Variants in F11 observed in about 807,000 individuals in gnomAD.
The protein encoded by F11 is coagulation factor XI, also known as coagualtion factor XI.
F11 carries 78 observed loss-of-function variants against 76.5 expected under a neutral mutation model. The ratio of observed to expected loss-of-function variants is 1.02; its 90% CI spans 0.85 to 1.23. The LOEUF is 1.23. Among genes scored for constraint, F11 ranks in the 50% most tolerant of loss-of-function variants. F11 has a pLI of 0.00. For missense variants in F11, 742 were observed against 771.4 expected, an observed-to-expected ratio of 0.96 and a Z score of 0.45; for synonymous variants, 278 against 276.3, an observed-to-expected ratio of 1.01 and a Z score of -0.06.
chr4:186,279,619 G>A, intron 7 of F11, among the ~76,000 whole-genome samples: 1 of 152,106 alleles, frequency 6.6e-6, no homozygotes, highest in Non-Finnish European at 1.5e-5. Flanking sequence ...TGGAGTAAAC[G>A]ACGGACTTCA....
At position 186,274,277 on chromosome 4, in the gene F11, T is replaced by C. The variant is rs1464239583; in HGVS notation, c.485+2T>C. ...GCAGTTTCCCAGCCTGGAGCATCGG[T>C]GAGTGAGTCCCAGGACATTCGAGTG... On this transcript the variant is annotated splice_donor_variant, in intron 5 of 14. Coordinates refer to ENST00000403665, the MANE Select transcript of F11 (RefSeq NM_000128.4). LOFTEE classifies it high-confidence loss of function. The C allele has an allele frequency of 9.9e-6, 16 of 1,614,204 alleles. No individual in the cohort carries two copies. Among genetic ancestry groups the C allele is most frequent in the Non-Finnish European group, 1.2e-5 (14 of 1,180,024 alleles).
At chr4:186,268,256 T>C (rs1739654280) in intron 2 of F11, among the ~76,000 whole-genome samples, 2 of 152,226 alleles carry the variant, frequency 1.3e-5, no homozygotes, top group South Asian at 4.1e-4. Context: ...GTATTATAAG[T>C]AATCTAGAGA....
chr4:186,281,801 A>G, intron 10 of F11: 2 of 1,000,800 alleles, frequency 2.0e-6, no homozygotes, highest in South Asian at 4.4e-5. Flanking sequence ...GCACAAAAAC[A>G]TTCTGTGTCA....
chr4:186,286,270 A>C, intron 12 of F11, 145 bp from the exon 13 acceptor site: 1 of 784,056 alleles, frequency 1.3e-6, no homozygotes, highest in East Asian at 2.6e-5. Context: ...GCTGAACCTG[A>C]GGGAGGAAAA....
intron 5 of F11, 63 bp downstream of exon 5, chr4:186,274,338 C>G: frequency 6.2e-7 from 1 of 1,604,530 alleles, no homozygotes; most frequent in East Asian, 2.2e-5. Flanking sequence ...TACTAAAAAG[C>G]TTTTGCCATC....
intron 14 of F11, among the ~76,000 whole-genome samples, chr4:186,288,202 G>A (rs1473357108): frequency 1.3e-5 from 2 of 152,016 alleles, no homozygotes; most frequent in Admixed American, 6.6e-5. Flanking sequence ...GTGAGCCACC[G>A]CGCCGGGCCG....
At chr4:186,267,041 CCT>C (rs1437765416) in intron 1 of F11, 93 bp from the exon 2 acceptor site, 2 of 803,400 alleles carry the variant, frequency 2.5e-6, no homozygotes, top group Non-Finnish European at 2.2e-6. Flanking sequence ...TAACTACTCC[CCT>C]CTCTCCCTAT....
At chr4:186,285,497 A>G (rs1196025597) in intron 11 of F11, 141 bp from the exon 12 acceptor site, 2 of 833,554 alleles carry the variant, frequency 2.4e-6, no homozygotes, top group African/African-American at 3.5e-5. Context: ...GAAAAATCTT[A>G]GGATAAAATC....
intron 14 of F11, 72 bp downstream of exon 14, chr4:186,287,895 G>C: frequency 6.5e-7 from 1 of 1,547,688 alleles, no homozygotes; most frequent in Non-Finnish European, 8.8e-7. Flanking sequence ...TTTTTTGTTT[G>C]TTTTGTTTTT....
rs190030223 is a variant in F11 at position 186,273,997 on chromosome 4, G to A, written c.326-119G>A. On this transcript the variant is annotated intron_variant, in intron 4 of 14. Coordinates refer to ENST00000403665, the MANE Select transcript of F11 (RefSeq NM_000128.4). ...TAAGAATTTTGCAGATTAATATAAC[G>A]AAAGACCTCTGAGGAAAGGTGGGTG... The A allele has an allele frequency of 1.0e-3, 1,156 of 1,124,520 alleles. 9 individuals carry two copies. The African/African-American group carries it at 0.016, about 15-fold the overall frequency. The allele number at this position is 1,124,520 out of a possible 1,614,324, so 69.7% of individuals were successfully genotyped here.
chr4:186,283,744 G>A (rs1218260051), intron 10 of F11, among the ~76,000 whole-genome samples: 1 of 152,232 alleles, frequency 6.6e-6, no homozygotes, highest in Non-Finnish European at 1.5e-5. Flanking sequence ...TGAAGAATGT[G>A]CATTTCTAAC....
chr4:186,283,597 C>A (rs1200839392), intron 10 of F11, among the ~76,000 whole-genome samples: 1 of 152,198 alleles, frequency 6.6e-6, no homozygotes, highest in Non-Finnish European at 1.5e-5. Context: ...AGGAACTGGA[C>A]AATGGCTGCA....
downstream of F11, among the ~76,000 whole-genome samples, chr4:186,290,248 A>G (rs1244908889): frequency 6.6e-6 from 1 of 152,218 alleles, no homozygotes; most frequent in Non-Finnish European, 1.5e-5. Flanking sequence ...AGGCAAAACA[A>G]AAACAACAAC....
intron 10 of F11, chr4:186,282,757 T>TGA: frequency 1.0e-6 from 1 of 985,388 alleles, no homozygotes; most frequent in Non-Finnish European, 1.2e-6. Flanking sequence ...GGCTCTAAAA[T>TGA]GAGAGCCTCT....
chr4:186,280,421 C>A (rs1405891193), intron 9 of F11, 36 bp downstream of exon 9: 3 of 1,613,866 alleles, frequency 1.9e-6, no homozygotes, highest in African/African-American at 2.7e-5. Context: ...ACACCCTTGT[C>A]CCGTCTGCCT....
At chr4:186,282,483 T>C in intron 10 of F11, 1 of 985,290 alleles carries the variant, frequency 1.0e-6, no homozygotes, top group Non-Finnish European at 1.2e-6. Flanking sequence ...GTAACTTAAC[T>C]TTCTGAAGAT....
At chr4:186,282,737 T>G in intron 10 of F11, 1 of 985,366 alleles carries the variant, frequency 1.0e-6, no homozygotes, top group Non-Finnish European at 1.2e-6. Flanking sequence ...AAATGAATGT[T>G]CACCCTTCCG....
intron 14 of F11, 79 bp downstream of exon 14, chr4:186,287,902 T>C (rs899392465): frequency 3.9e-5 from 61 of 1,547,136 alleles, no homozygotes; most frequent in Non-Finnish European, 5.3e-5. Context: ...TTTGTTTTGT[T>C]TTTTTTGTTT....
At position 186,267,167 on chromosome 4, in the gene F11, A is replaced by T; in HGVS notation, c.31A>T (p.Ile11Phe). Reference sequence around the variant, plus strand: ...TTTCTTATATCAAGTGGTACATTTCATTTTATTTACTTCAGTTTCTGGTGG... The same window carrying T: ...TTTCTTATATCAAGTGGTACATTTCTTTTTATTTACTTCAGTTTCTGGTGG... MIFLYQVVHF[I>F]LFTSVSGECV... The change falls in exon 2 of 15, where the codon ATT (isoleucine) becomes TTT (phenylalanine). Residue 11 changes from isoleucine to phenylalanine, a missense_variant. Physicochemically the swap from Ile to Phe is conservative, Grantham distance 21. Transcript: ENST00000403665. 7.6e-6 allele frequency: 12 copies of T among 1,585,564 alleles called. No homozygotes were observed. Among genetic ancestry groups the T allele is most frequent in the Non-Finnish European group, 1.0e-5 (12 of 1,154,048 alleles).
Sources: allele counts gnomAD v4.1 joint callset (sites outside exome capture counted in the v4.1 genomes callset), GRCh38; gene constraint gnomAD v4.1.1; transcripts MANE v1.5; gene names NCBI Gene and HGNC (gene_info 2026-07-23, HGNC 2026-07-21).